Variants in SPRED2 observed in about 807,000 individuals in gnomAD.
The protein encoded by SPRED2 is sprouty related EVH1 domain containing 2, also known as sprouty-related, EVH1 domain-containing protein 2.
SPRED2 carries 47 observed loss-of-function variants against 43.0 expected under a neutral mutation model. The ratio of observed to expected loss-of-function variants is 1.09; its 90% CI spans 0.87 to 1.40. The LOEUF is 1.40. Among genes scored for constraint, SPRED2 ranks in the 40% most tolerant of loss-of-function variants. The pLI, the probability that SPRED2 is intolerant of heterozygous loss-of-function variation, is 0.00. For missense variants in SPRED2, 561 were observed against 586.4 expected (o/e 0.96, Z 0.45); for synonymous variants, 225 against 225.7 (o/e 1.00, Z 0.03).
At chr2:65,422,649 C>T (rs571650201) in intron 1 of SPRED2, among the ~76,000 whole-genome samples, 15 of 152,008 alleles carry the variant, frequency 9.9e-5, no homozygotes, top group Middle Eastern at 3.4e-3. Flanking sequence ...CAAGTTATTC[C>T]GATTCACAGT....
intron 1 of SPRED2, among the ~76,000 whole-genome samples, chr2:65,417,338 C>G (rs1676309363): frequency 6.6e-6 from 1 of 152,236 alleles, no homozygotes; most frequent in African/African-American, 2.4e-5. Context: ...CCCACCTTCT[C>G]TCTCCCAGGA....
rs778669871 is a variant in SPRED2, at chr2:65,410,030, G to GA, written c.26+21931dup. Among the ~76,000 whole-genome samples, 271 of 104,214 alleles carry GA rather than the reference G, an allele frequency of 2.6e-3. 1 individual carries two copies. The highest frequency in any genetic ancestry group is 6.2e-3 in the Middle Eastern group (1 of 162). 68.4% of individuals were successfully genotyped at this position (104,214 alleles called of 152,430 possible). On this transcript the variant is annotated intron_variant, in intron 1 of 5. Transcript: ENST00000356388. ...GGTAACAGAGTGAGACTCTGCCTCG[G>GA]AAAAAAAAAAAAAAAAGAATAATTT...
chr2:65,412,261 T>A (rs1422884083), intron 1 of SPRED2, among the ~76,000 whole-genome samples: 1 of 152,158 alleles, frequency 6.6e-6, no homozygotes, highest in Admixed American at 6.5e-5. Context: ...AAAACGCAGA[T>A]TCCCTAGACC....
intron 2 of SPRED2, among the ~76,000 whole-genome samples, chr2:65,342,988 T>C (rs905723669): frequency 2.0e-5 from 3 of 152,104 alleles, no homozygotes; most frequent in Admixed American, 6.6e-5. Flanking sequence ...ATCAAAGGGC[T>C]AAGGGTGGTT....
intron 2 of SPRED2, among the ~76,000 whole-genome samples, chr2:65,336,924 C>T (rs1461251468): frequency 1.3e-5 from 2 of 152,068 alleles, no homozygotes; most frequent in Non-Finnish European, 2.9e-5. Context: ...GTGGCTAACA[C>T]GGTGAAACCT....
chr2:65,365,424 T>C (rs1021656955), intron 1 of SPRED2, among the ~76,000 whole-genome samples: 1 of 152,266 alleles, frequency 6.6e-6, no homozygotes, highest in Admixed American at 6.5e-5. Context: ...ATGCATTTAC[T>C]GACAGCTTAA....
At position 65,344,755 on chromosome 2, in the gene SPRED2, G is replaced by C. The variant is rs61748094; in HGVS notation, c.168C>G (p.Gly56=). 39,463 of 1,614,130 alleles carry C rather than the reference G, an allele frequency of 0.024. 635 individuals are homozygous for C. The highest frequency in any genetic ancestry group is 0.042 in the Middle Eastern group (256 of 6,062). Residue 56 remains glycine (G), a synonymous_variant, in exon 2 of 6, where the codon GGC becomes GGG. Transcript: ENST00000356388. ...TCTGTCGTTCACCATGGATGAGAAA[G>C]CCGCTTCGTCCATTGCCTTCGGGGT... is the stretch of plus-strand genomic sequence containing the variant. ...VMHPEGNGRS[G]FLIHGERQKD...
At chr2:65,416,992 G>A (rs529013923) in intron 1 of SPRED2, among the ~76,000 whole-genome samples, 1 of 152,212 alleles carries the variant, frequency 6.6e-6, no homozygotes, top group South Asian at 2.1e-4. Flanking sequence ...ATGACCAGAC[G>A]GTCAACTCCT....
downstream of SPRED2, chr2:65,308,189 AG>A: frequency 1.8e-6 from 1 of 564,710 alleles, no homozygotes; most frequent in Non-Finnish European, 2.2e-6. Context: ...GCGACCCCAA[AG>A]GCCAGAGAAG....
At chr2:65,340,041 T>C (rs1674133825) in intron 2 of SPRED2, among the ~76,000 whole-genome samples, 1 of 152,228 alleles carries the variant, frequency 6.6e-6, no homozygotes, top group South Asian at 2.1e-4. Flanking sequence ...TTCAAAAACA[T>C]AAAGCCATGC....
chr2:65,431,848 G>A (rs575364133), intron 1 of SPRED2, 114 bp downstream of exon 1: 8 of 1,288,618 alleles, frequency 6.2e-6, no homozygotes, highest in South Asian at 1.2e-5. Context: ...AGGTCAGCGA[G>A]TCGCTGCACC....
At chr2:65,395,080 C>T (rs1225809364) in intron 1 of SPRED2, among the ~76,000 whole-genome samples, 3 of 152,098 alleles carry the variant, frequency 2.0e-5, no homozygotes, top group African/African-American at 7.2e-5. Context: ...GTAACTCCGC[C>T]CGAGGTATCC....
At chr2:65,363,211 C>A (rs1674876198) in intron 1 of SPRED2, among the ~76,000 whole-genome samples, 1 of 146,266 alleles carries the variant, frequency 6.8e-6, no homozygotes, top group Admixed American at 6.8e-5. Flanking sequence ...TGCACTCCAC[C>A]CTGGGCAATA....
intron 1 of SPRED2, among the ~76,000 whole-genome samples, chr2:65,397,326 C>A (rs935610449): frequency 4.6e-5 from 7 of 152,176 alleles, no homozygotes; most frequent in Non-Finnish European, 7.4e-5. Flanking sequence ...AAGTAATAAA[C>A]CCAGCCCTCA....
intron 4 of SPRED2, among the ~76,000 whole-genome samples, chr2:65,323,864 A>T (rs1480729634): frequency 6.6e-6 from 1 of 152,022 alleles, no homozygotes; most frequent in Non-Finnish European, 1.5e-5. Flanking sequence ...CGACAGAGCA[A>T]GACTCCGTCT....
At chr2:65,431,447 G>A (rs924794257) in intron 1 of SPRED2, among the ~76,000 whole-genome samples, 1 of 152,020 alleles carries the variant, frequency 6.6e-6, no homozygotes, top group African/African-American at 2.4e-5. Flanking sequence ...CTCTCGCTCC[G>A]CCGTGTTTTT....
chr2:65,342,317 A>T (rs1287770440), intron 2 of SPRED2, among the ~76,000 whole-genome samples: 1 of 144,010 alleles, frequency 6.9e-6, no homozygotes, highest in African/African-American at 2.6e-5. Flanking sequence ...TATATTATGT[A>T]TGTATATTTT....
intron 4 of SPRED2, among the ~76,000 whole-genome samples, chr2:65,319,014 T>C (rs996058008): frequency 1.3e-5 from 2 of 152,182 alleles, no homozygotes; most frequent in African/African-American, 2.4e-5. Context: ...GCAAAACAAA[T>C]AGACTTACAA....
intron 2 of SPRED2, among the ~76,000 whole-genome samples, chr2:65,336,837 G>C (rs1000177257): frequency 6.6e-6 from 1 of 152,286 alleles, no homozygotes; most frequent in African/African-American, 2.4e-5. Context: ...GGCCGGGCGC[G>C]GTGGCTCACG....
Sources: allele counts gnomAD v4.1 joint callset (sites outside exome capture counted in the v4.1 genomes callset), GRCh38; gene constraint gnomAD v4.1.1; transcripts MANE v1.5; gene names NCBI Gene and HGNC (gene_info 2026-07-23, HGNC 2026-07-21).